The following NCOA2 variants were observed in gnomAD, a reference collection of about 807,000 sequenced individuals.
The protein encoded by NCOA2 is class E basic helix-loop-helix protein 75.
Under a neutral mutation model 145.1 loss-of-function variants are expected in NCOA2, and 21 were observed. The observed-to-expected ratio is 0.14, with a 90% CI of 0.10 to 0.21. The LOEUF (loss-of-function observed/expected upper bound fraction) is 0.21, where lower values mean the gene tolerates loss of function less well. Among genes scored for constraint, NCOA2 ranks in the 10% least tolerant of loss-of-function variants. The pLI is 1.00. For synonymous variants in NCOA2, 619 were observed against 637.5 expected (o/e 0.97, Z 0.44); for missense variants, 1,472 against 1,837.6 (o/e 0.80, Z 3.64).
the NCOA2 span, among the ~76,000 whole-genome samples, chr8:70,412,647 CAAAAAAAAAAAAAAA>C: frequency 2.1e-5 from 1 of 48,288 alleles, no homozygotes; most frequent in East Asian, 4.5e-4. Flanking sequence ...TACTTCGTCT[CAAAAAAAAAAAAAAA>C]AAAAAAAAAC....
rs1172853796 is a variant in NCOA2 at position 70,209,181 on chromosome 8, AGATGC to A, written c.259+4717_259+4721del. On this transcript the variant is annotated intron_variant, in intron 4 of 22. Transcript: ENST00000452400. Reference sequence around the variant, plus strand: ...TGACTTCAGTGGAGGAAGTAACTCTAGATGCAGTGGAAATAACAAGAGAACTGGAA... The same window carrying A: ...TGACTTCAGTGGAGGAAGTAACTCTAAGTGGAAATAACAAGAGAACTGGAA... Among the ~76,000 whole-genome samples, 3 of 152,356 alleles carry A rather than the reference AGATGC, an allele frequency of 2.0e-5. No individual in the cohort carries two copies. The East Asian group carries it at 5.8e-4, about 29-fold the overall frequency.
intron 15 of NCOA2, among the ~76,000 whole-genome samples, chr8:70,136,498 T>C (rs893857983): frequency 1.3e-5 from 2 of 150,786 alleles, no homozygotes; most frequent in Non-Finnish European, 2.9e-5. Flanking sequence ...AAGTCATCTA[T>C]AAATTTTTGG....
chr8:70,181,181 C>T (rs1815434091), intron 4 of NCOA2, among the ~76,000 whole-genome samples: 1 of 152,164 alleles, frequency 6.6e-6, no homozygotes, highest in Non-Finnish European at 1.5e-5. Flanking sequence ...ACTGGGGTGG[C>T]AGTCATGCTC....
chr8:70,116,841 T>C (rs188255980), intron 22 of NCOA2, among the ~76,000 whole-genome samples: 3 of 152,278 alleles, frequency 2.0e-5, no homozygotes, highest in African/African-American at 7.2e-5. Context: ...ACAGGGAAAG[T>C]TGACGAGGTT....
chr8:70,255,479 T>A (rs187487694), intron 2 of NCOA2, among the ~76,000 whole-genome samples: 1 of 152,328 alleles, frequency 6.6e-6, no homozygotes, highest in Non-Finnish European at 1.5e-5. Flanking sequence ...AGCTAACCGA[T>A]AATTCCCAGT....
chr8:70,285,860 G>A (rs1826195316), intron 2 of NCOA2, among the ~76,000 whole-genome samples: 3 of 152,154 alleles, frequency 2.0e-5, no homozygotes, highest in Admixed American at 6.5e-5. Flanking sequence ...ATCACTAGAG[G>A]AGGCTCTATG....
Position 70,162,840 on chromosome 8 carries a change from G to A in NCOA2, c.847C>T (p.Leu283=). The A allele has an allele frequency of 3.1e-6, 5 of 1,613,076 alleles. No individual in the cohort carries two copies. The highest frequency in any genetic ancestry group is 4.2e-6 in the Non-Finnish European group (5 of 1,179,646). Residue 283 remains leucine (L), a synonymous_variant, in exon 9 of 23, where the codon CTG becomes TTG. Coordinates refer to ENST00000452400, the MANE Select transcript of NCOA2 (RefSeq NM_006540.4). ...RQDLQGKITS[L]DTSTMRAAMK... is the part of the protein sequence containing the mutation. ...GCTGCTCTCATGGTGCTGGTATCCA[G>A]AGACGTGATCTTGCCTATTAAGTAA...
intron 1 of NCOA2, among the ~76,000 whole-genome samples, chr8:70,389,823 A>AC (rs1813025637): frequency 6.6e-6 from 1 of 150,802 alleles, no homozygotes; most frequent in African/African-American, 2.4e-5. Context: ...TGCCCACCGC[A>AC]CCCAGCTCAT....
At chr8:70,315,573 T>G (rs1011534955) in intron 1 of NCOA2, among the ~76,000 whole-genome samples, 3 of 152,166 alleles carry the variant, frequency 2.0e-5, no homozygotes, top group African/African-American at 7.2e-5. Context: ...AACTTGACAC[T>G]ATAAACAAAT....
intron 13 of NCOA2, among the ~76,000 whole-genome samples, chr8:70,142,811 A>AT (rs1241637895): frequency 6.6e-6 from 1 of 152,218 alleles, no homozygotes; most frequent in Non-Finnish European, 1.5e-5. Context: ...AAGGGATTTT[A>AT]TTTTTTTAAA....
intron 1 of NCOA2, among the ~76,000 whole-genome samples, chr8:70,383,536 G>A (rs532007608): frequency 3.9e-5 from 6 of 152,008 alleles, no homozygotes; most frequent in South Asian, 2.1e-4. Flanking sequence ...ACAGAGTTTC[G>A]CTCTTGCTGC....
intron 16 of NCOA2, among the ~76,000 whole-genome samples, chr8:70,130,572 T>G (rs1340769599): frequency 2.0e-5 from 3 of 152,222 alleles, no homozygotes; most frequent in Admixed American, 2.0e-4. Flanking sequence ...TCATGTAACC[T>G]CAAGTCATTT....
chr8:70,272,637 G>T (rs116513241), intron 2 of NCOA2, among the ~76,000 whole-genome samples: 1,729 of 152,240 alleles, frequency 0.011, 42 homozygotes, highest in African/African-American at 0.04. Context: ...GGGTGTGCAC[G>T]TAAGAGGGAA....
chr8:70,409,445 C>T, the NCOA2 span, among the ~76,000 whole-genome samples: 1 of 152,082 alleles, frequency 6.6e-6, no homozygotes, highest in Non-Finnish European at 1.5e-5. Context: ...CAAATAAATT[C>T]AATGGAAAAA....
intron 5 of NCOA2, among the ~76,000 whole-genome samples, chr8:70,172,799 G>C (rs2132697497): frequency 6.6e-6 from 1 of 152,242 alleles, no homozygotes; most frequent in Non-Finnish European, 1.5e-5. Flanking sequence ...ACAGTAAAAA[G>C]ACTGACTTGA....
At chr8:70,208,571 C>T (rs1329871446) in intron 4 of NCOA2, among the ~76,000 whole-genome samples, 3 of 152,192 alleles carry the variant, frequency 2.0e-5, no homozygotes, top group East Asian at 1.9e-4. Context: ...CATTTCGAAG[C>T]TTGAAAGGAC....
chr8:70,386,916 G>GT (rs144097170), intron 1 of NCOA2, among the ~76,000 whole-genome samples: 4,864 of 151,232 alleles, frequency 0.032, 254 homozygotes, highest in African/African-American at 0.11. Context: ...AATATTTTTA[G>GT]TTTTTTTTTA....
rs1812371195 is a variant in NCOA2, at chr8:70,157,010, C to G, written c.1355G>C (p.Gly452Ala). ...GGSGGMNHVS[G>A]MQATTPQGSN... Reference sequence around the variant, plus strand: ...ACCCTGAGGAGTGGTTGCTTGCATGCCTGACACATGGTTCATTCCCCCAGA... The same window carrying G: ...ACCCTGAGGAGTGGTTGCTTGCATGGCTGACACATGGTTCATTCCCCCAGA... Residue 452 changes from glycine (G) to alanine (A), a missense_variant, in exon 11 of 23, where the codon GGC (glycine) becomes GCC (alanine). Gly to Ala is a moderately conservative substitution (Grantham distance 60). Around this residue, in one of 4 missense-constraint regions of NCOA2, gnomAD observed 953 missense variants for 1,062.1 expected, o/e 0.90. Coordinates refer to ENST00000452400, the MANE Select transcript of NCOA2 (RefSeq NM_006540.4). 11 of 1,614,044 alleles carry G rather than the reference C, an allele frequency of 6.8e-6. No homozygotes were observed. The highest frequency in any genetic ancestry group is 9.3e-6 in the Non-Finnish European group (11 of 1,179,898).
intron 1 of NCOA2, among the ~76,000 whole-genome samples, chr8:70,398,726 A>C (rs1813926965): frequency 6.6e-6 from 1 of 152,190 alleles, no homozygotes; most frequent in Non-Finnish European, 1.5e-5. Context: ...GCTATGTAAA[A>C]CACCACCATA....
Sources: gnomAD v4.1 joint callset for allele counts (sites outside exome capture counted in the v4.1 genomes callset) on GRCh38, gnomAD v4.1.1 for gene constraint, gnomAD v4.1.1 regional missense constraint, MANE v1.5 for transcripts, NCBI Gene and HGNC (gene_info 2026-07-23, HGNC 2026-07-21) for gene names.